Variants in DPP6 observed in about 807,000 individuals in gnomAD.
DPP6 encodes the protein dipeptidyl peptidase like 6.
In DPP6, 69 loss-of-function variants were observed where a neutral mutation model predicts 122.6. That is an observed-to-expected ratio of 0.56 (90% CI 0.46 to 0.69). DPP6 has a LOEUF of 0.69. Among genes scored for constraint, DPP6 ranks in the 30% least tolerant of loss-of-function variants. The probability of loss-of-function intolerance (pLI) is 0.00; values close to 1 mark genes in which losing one functional copy is unlikely to be tolerated. For synonymous variants in DPP6, 418 were observed against 433.1 expected, an observed-to-expected ratio of 0.97 and a Z score of 0.43; for missense variants, 928 against 1,116.9, an observed-to-expected ratio of 0.83 and a Z score of 2.41.
intron 1 of DPP6, among the ~76,000 whole-genome samples, chr7:154,223,771 G>A (rs1426756561): frequency 6.7e-6 from 1 of 149,040 alleles, no homozygotes; most frequent in Non-Finnish European, 1.5e-5. Flanking sequence ...GGCTCTTGGG[G>A]TGAGGGTAGA....
In DPP6 at chr7:154,330,438, A is replaced by G. The variant is rs528965471; in HGVS notation, c.244-115776A>G. 1.8e-3 allele frequency among the ~76,000 whole-genome samples: 281 copies of G among 152,302 alleles called. 1 individual carries two copies. Among genetic ancestry groups the G allele is most frequent in the African/African-American group, 6.5e-3 (269 of 41,564 alleles). ...ACAATTGTCACACTGGAGTGTGGCCAGTTATGTCACTGTGGGAATAAGGTC... is the reference window on the plus strand; with the variant it reads ...ACAATTGTCACACTGGAGTGTGGCCGGTTATGTCACTGTGGGAATAAGGTC... On this transcript the variant is annotated intron_variant, in intron 1 of 25. Coordinates refer to ENST00000377770, the MANE Select transcript of DPP6 (RefSeq NM_130797.4).
chr7:154,046,407 A>C (rs2533750), intron 1 of DPP6, among the ~76,000 whole-genome samples: 5,476 of 152,254 alleles, frequency 0.036, 340 homozygotes, highest in African/African-American at 0.12. Context: ...TGCAGGGGGC[A>C]TGGGGTGGAG....
intron 1 of DPP6, among the ~76,000 whole-genome samples, chr7:153,976,592 G>T (rs976622550): frequency 2.0e-5 from 3 of 152,230 alleles, no homozygotes; most frequent in Non-Finnish European, 4.4e-5. Context: ...AACATACTGA[G>T]AAATAGTGTT....
At chr7:154,824,812 G>A (rs1256219668) in intron 16 of DPP6, among the ~76,000 whole-genome samples, 1 of 152,178 alleles carries the variant, frequency 6.6e-6, no homozygotes, top group African/African-American at 2.4e-5. Flanking sequence ...AAACGCAGGT[G>A]CCCACTGCAG....
At chr7:154,804,878 G>T in intron 14 of DPP6, 39 bp from the exon 15 acceptor site, 1 of 1,584,324 alleles carries the variant, frequency 6.3e-7, no homozygotes, top group Non-Finnish European at 8.6e-7. Context: ...GACGTGCCTT[G>T]GAGCAAACTA....
intron 1 of DPP6, among the ~76,000 whole-genome samples, chr7:154,238,955 T>C (rs1801395711): frequency 6.6e-6 from 1 of 152,194 alleles, no homozygotes; most frequent in African/African-American, 2.4e-5. Flanking sequence ...CAACACAAAA[T>C]TATTACCATT....
chr7:153,806,042 T>C, the DPP6 span, among the ~76,000 whole-genome samples: 1 of 151,874 alleles, frequency 6.6e-6, no homozygotes, highest in East Asian at 1.9e-4. Flanking sequence ...TCCTCCCTCG[T>C]TTCATCTGGC....
intron 5 of DPP6, among the ~76,000 whole-genome samples, chr7:154,570,772 A>G (rs1395858450): frequency 6.6e-6 from 1 of 152,146 alleles, no homozygotes; most frequent in Non-Finnish European, 1.5e-5. Context: ...TGCCAACCCT[A>G]TGTTTTTTTG....
chr7:154,438,952 G>A (rs368363131), intron 1 of DPP6, among the ~76,000 whole-genome samples: 2 of 152,318 alleles, frequency 1.3e-5, no homozygotes, highest in African/African-American at 2.4e-5. Context: ...GGGCCCATGG[G>A]TGGAGGAGGA....
At chr7:154,363,520 A>G (rs1452677978) in intron 1 of DPP6, among the ~76,000 whole-genome samples, 1 of 152,170 alleles carries the variant, frequency 6.6e-6, no homozygotes, top group African/African-American at 2.4e-5. Flanking sequence ...GGGTTCTCCA[A>G]ACAGAAGGCT....
At chr7:153,957,796 C>T (rs933611384) in intron 1 of DPP6, among the ~76,000 whole-genome samples, 1 of 152,174 alleles carries the variant, frequency 6.6e-6, no homozygotes, top group Non-Finnish European at 1.5e-5. Context: ...ACTTTCTCAA[C>T]AAGTTTACAT....
chr7:154,811,873 C>T (rs1475007962), intron 16 of DPP6, among the ~76,000 whole-genome samples: 5 of 152,142 alleles, frequency 3.3e-5, no homozygotes, highest in Non-Finnish European at 5.9e-5. Flanking sequence ...GTTTTCTTCT[C>T]CTTCCCTCCT....
intron 1 of DPP6, among the ~76,000 whole-genome samples, chr7:154,060,337 G>T (rs569949957): frequency 3.9e-4 from 49 of 125,200 alleles, no homozygotes; most frequent in South Asian, 2.1e-3. Flanking sequence ...GGAGGGGGAG[G>T]CACCCCCCGC....
intron 1 of DPP6, among the ~76,000 whole-genome samples, chr7:154,073,041 T>G (rs1002691356): frequency 6.6e-6 from 1 of 152,254 alleles, no homozygotes; most frequent in Non-Finnish European, 1.5e-5. Flanking sequence ...CTCCCCGTTT[T>G]GCTGCCATCT....
chr7:153,891,018 A>ATTT (rs71182849), intron 1 of DPP6, among the ~76,000 whole-genome samples: 2 of 59,178 alleles, frequency 3.4e-5, no homozygotes, highest in Non-Finnish European at 6.2e-5. Flanking sequence ...TTCTATTTTA[A>ATTT]TTTTTTTTTT....
the DPP6 span, among the ~76,000 whole-genome samples, chr7:153,779,819 C>A: frequency 6.2e-5 from 9 of 144,036 alleles, no homozygotes; most frequent in Non-Finnish European, 1.1e-4. Context: ...CTGGGAAAAT[C>A]CAAATAAATT....
At chr7:153,964,866 T>TTCCTTTTC (rs1415951611) in intron 1 of DPP6, among the ~76,000 whole-genome samples, 1 of 137,810 alleles carries the variant, frequency 7.3e-6, no homozygotes, top group African/African-American at 3.4e-5. Flanking sequence ...CCCTTTCCTT[T>TTCCTTTTC]CCTTTCCTTT....
intron 6 of DPP6, among the ~76,000 whole-genome samples, chr7:154,665,195 A>G (rs189095501): frequency 8.7e-4 from 133 of 152,298 alleles, no homozygotes; most frequent in Non-Finnish European, 1.6e-3. Flanking sequence ...CATTTTGGGT[A>G]AAAAATATCA....
intron 1 of DPP6, among the ~76,000 whole-genome samples, chr7:154,042,083 A>T (rs566651438): frequency 1.3e-5 from 2 of 152,258 alleles, no homozygotes; most frequent in South Asian, 4.2e-4. Context: ...AAAAGGCTAC[A>T]GCAGCTTTGA....
Sources: allele counts gnomAD v4.1 joint callset (sites outside exome capture counted in the v4.1 genomes callset), GRCh38; gene constraint gnomAD v4.1.1; transcripts MANE v1.5; gene names NCBI Gene and HGNC (gene_info 2026-07-23, HGNC 2026-07-21).